The following TMEM50A variants were observed in gnomAD, a reference collection of about 807,000 sequenced individuals.
TMEM50A encodes cervical cancer oncogene 9.
In TMEM50A, 8 loss-of-function variants were observed where a neutral mutation model predicts 23.9. That is an observed-to-expected ratio of 0.33 (90% CI 0.20 to 0.60). The LOEUF is 0.60. Among genes scored for constraint, TMEM50A ranks in the 20% least tolerant of loss-of-function variants. The probability of loss-of-function intolerance (pLI) is 0.81; values close to 1 mark genes in which losing one functional copy is unlikely to be tolerated. For synonymous variants in TMEM50A, 55 were observed against 60.4 expected, an observed-to-expected ratio of 0.91 and a Z score of 0.41; for missense variants, 178 against 192.7, an observed-to-expected ratio of 0.92 and a Z score of 0.45.
At chr1:25,346,048 A>G (rs1246991655) in intron 3 of TMEM50A, among the ~76,000 whole-genome samples, 1 of 152,042 alleles carries the variant, frequency 6.6e-6, no homozygotes, top group African/African-American at 2.4e-5. Context: ...TCGGCCTCCC[A>G]AAGTGCTGGG....
chr1:25,352,641 G>A (rs1306553584), intron 4 of TMEM50A, among the ~76,000 whole-genome samples: 1 of 152,104 alleles, frequency 6.6e-6, no homozygotes, highest in Non-Finnish European at 1.5e-5. Flanking sequence ...GTTGGGGAAA[G>A]TAAGTATATG....
chr1:25,344,736 GGTT>G (rs1332232242), intron 3 of TMEM50A, among the ~76,000 whole-genome samples: 2 of 150,450 alleles, frequency 1.3e-5, no homozygotes, highest in Admixed American at 1.3e-4. Context: ...TTTTTTTGGT[GGTT>G]GTTGGTAGAA....
chr1:25,349,337 T>C (rs1645253973), intron 3 of TMEM50A, among the ~76,000 whole-genome samples: 1 of 152,184 alleles, frequency 6.6e-6, no homozygotes, highest in Non-Finnish European at 1.5e-5. Context: ...AAAGTGTCCC[T>C]AATAGTGAAG....
At chr1:25,351,506 A>G (rs1645275053) in intron 3 of TMEM50A, 120 bp from the exon 4 acceptor site, 2 of 666,818 alleles carry the variant, frequency 3.0e-6, no homozygotes, top group Admixed American at 1.1e-4. Context: ...GAGACCCTGT[A>G]TCTTTAAAAA....
chr1:25,350,156 A>G (rs1199987274), intron 3 of TMEM50A, among the ~76,000 whole-genome samples: 2 of 152,232 alleles, frequency 1.3e-5, no homozygotes, highest in Non-Finnish European at 2.9e-5. Context: ...TGTTTGAAAT[A>G]TAATTATTTC....
At position 25,343,023 on chromosome 1, in the gene TMEM50A, C is replaced by T. The variant is rs775986133; in HGVS notation, c.156C>T (p.Phe52=). Residue 52 remains phenylalanine, a synonymous_variant, in exon 3 of 7, where the codon TTC becomes TTT. Transcript: ENST00000374358. The part of the protein sequence containing the change: ...AAVIYPTMKD[F]NHSYHACGVI... ...TTATTTATCCCACCATGAAAGATTT[C>T]AACCACTCATACCATGCCTGTGGTG... 5.6e-6 allele frequency: 9 copies of T among 1,613,680 alleles called. No homozygotes were observed. In the East Asian group the frequency reaches 2.0e-4, roughly 36 times the overall value.
chr1:25,341,488 C>T (rs1011134300), intron 2 of TMEM50A, among the ~76,000 whole-genome samples: 1 of 151,982 alleles, frequency 6.6e-6, no homozygotes, highest in Non-Finnish European at 1.5e-5. Context: ...CCTCGTGATC[C>T]GCCTGCCTCG....
At position 25,356,950 on chromosome 1, in the gene TMEM50A, A is replaced by T. The variant is rs556110475; in HGVS notation, c.428+97A>T. 1.1e-4 allele frequency: 86 copies of T among 769,264 alleles called. 1 individual carries two copies. In the African/African-American group the frequency reaches 1.3e-3, roughly 12 times the overall value. The allele number at this position is 769,264 out of a possible 1,614,324, so 47.7% of individuals were successfully genotyped here. On this transcript the variant is annotated intron_variant, in intron 6 of 6. Transcript: ENST00000374358. ...ATTTAGTTGCCTAATTACTCATCCA[A>T]TGCCCCTCCCCCATGATATTTTCAT...
In TMEM50A at chr1:25,342,875, AG is replaced by A; in HGVS notation, c.94-83del. The A allele has an allele frequency of 2.9e-6, 3 of 1,036,842 alleles. No individual in the cohort carries two copies. In the South Asian group the frequency reaches 4.8e-5, roughly 17 times the overall value. 64.2% of individuals were successfully genotyped at this position (1,036,842 alleles called of 1,614,324 possible). On this transcript the variant is annotated intron_variant, in intron 2 of 6. Transcript: ENST00000374358. ...TAGAACATTTTTGAAATGTATTAAAAGGGATCTCCTCACTTAAATACCTTGC... is the reference window on the plus strand; with the variant it reads ...TAGAACATTTTTGAAATGTATTAAAAGGATCTCCTCACTTAAATACCTTGC...
At position 25,362,295 on chromosome 1, in the gene TMEM50A, A is replaced by G; in HGVS notation, c.*1590A>G. 1.1e-6 allele frequency: 1 copy of G among 930,974 alleles called. No homozygotes were observed. The highest frequency in any genetic ancestry group is 1.6e-6 in the Non-Finnish European group (1 of 625,752). The allele number at this position is 930,974 out of a possible 1,614,324, so 57.7% of individuals were successfully genotyped here. A position where few individuals can be genotyped will look rare whatever the true frequency, so the allele number is the denominator to read the frequency against. ...ATAATGTGTCTGTAACCAAGAAAAT[A>G]TTGATAGCATCATCCTAATGAAACT... On this transcript the variant is annotated 3_prime_UTR_variant, in exon 7 of 7. Coordinates refer to ENST00000374358, the MANE Select transcript of TMEM50A (RefSeq NM_014313.4).
At chr1:25,344,597 C>A (rs750210112) in intron 3 of TMEM50A, among the ~76,000 whole-genome samples, 3 of 151,500 alleles carry the variant, frequency 2.0e-5, no homozygotes, top group Admixed American at 1.3e-4. Flanking sequence ...CCAGGCTGGT[C>A]TTGAACTCCT....
chr1:25,355,654 C>T (rs926732723), intron 5 of TMEM50A, among the ~76,000 whole-genome samples: 1 of 152,178 alleles, frequency 6.6e-6, no homozygotes, highest in African/African-American at 2.4e-5. Context: ...CCTATGCAAA[C>T]CATCTGTTAT....
chr1:25,342,967 A>T lies in TMEM50A; in HGVS notation c.100A>T (p.Thr34Ser). The T allele has an allele frequency of 6.2e-7, 1 of 1,610,620 alleles. No homozygotes were observed. Among genetic ancestry groups the T allele is most frequent in the Non-Finnish European group, 8.5e-7 (1 of 1,178,918 alleles). Residue 34 changes from threonine to serine, a missense_variant, in exon 3 of 7, where the codon ACA becomes TCA. By Grantham distance (58) the Thr-to-Ser change is moderately conservative (BLOSUM62 1). Coordinates refer to ENST00000374358, the MANE Select transcript of TMEM50A (RefSeq NM_014313.4). ...ASIAAGVLFF[T>S]GWWIIIDAAV... ...GGTATCACCTTTGTTTTAGTTTTTT[A>T]CAGGCTGGTGGATTATCATAGATGC...
At chr1:25,344,412 G>A (rs1009570740) in intron 3 of TMEM50A, among the ~76,000 whole-genome samples, 3 of 152,126 alleles carry the variant, frequency 2.0e-5, no homozygotes, top group African/African-American at 7.2e-5. Context: ...ATGACTCTGT[G>A]CTTCTCAAAT....
chr1:25,353,675 C>T (rs1387291667), intron 5 of TMEM50A, among the ~76,000 whole-genome samples: 1 of 152,104 alleles, frequency 6.6e-6, no homozygotes, highest in Non-Finnish European at 1.5e-5. Flanking sequence ...TATATAAGGC[C>T]ACTTTAAGGC....
intron 5 of TMEM50A, among the ~76,000 whole-genome samples, chr1:25,355,328 GA>G (rs1309570915): frequency 6.6e-6 from 1 of 151,860 alleles, no homozygotes; most frequent in Non-Finnish European, 1.5e-5. Context: ...AAAAAAAAAG[GA>G]AAAAAATTAC....
At chr1:25,354,607 G>A (rs952452200) in intron 5 of TMEM50A, among the ~76,000 whole-genome samples, 2 of 151,706 alleles carry the variant, frequency 1.3e-5, no homozygotes, top group East Asian at 1.9e-4. Context: ...GTGAGACGCT[G>A]TCTCAAAAAA....
Position 25,362,247 on chromosome 1 carries a change from A to T in TMEM50A, c.*1542A>T. 1.6e-6 allele frequency: 1 copy of T among 638,950 alleles called. No individual in the cohort carries two copies. The highest frequency in any genetic ancestry group is 2.9e-5 in the East Asian group (1 of 34,538). 39.6% of individuals were successfully genotyped at this position (638,950 alleles called of 1,614,324 possible). Reference sequence around the variant, plus strand: ...ATGAGAAAGAATCTTAAGAATTGTCAATAAAATTAACCCAAAACTTTAATA... The same window carrying T: ...ATGAGAAAGAATCTTAAGAATTGTCTATAAAATTAACCCAAAACTTTAATA... On this transcript the variant is annotated 3_prime_UTR_variant, in exon 7 of 7. Transcript: ENST00000374358.
At position 25,360,734 on chromosome 1, in the gene TMEM50A, C is replaced by T. The variant is rs747174833; in HGVS notation, c.*29C>T. On this transcript the variant is annotated 3_prime_UTR_variant, in exon 7 of 7. Transcript: ENST00000374358. Reference sequence around the variant, plus strand: ...CATCTGATTTCCCACAGCACAACAGCCCTGCATGGGTTTGTTTGTTTTTTT... The same window carrying T: ...CATCTGATTTCCCACAGCACAACAGTCCTGCATGGGTTTGTTTGTTTTTTT... 20 of 1,612,970 alleles carry T rather than the reference C, an allele frequency of 1.2e-5. No individual in the cohort carries two copies. Among genetic ancestry groups the T allele is most frequent in the Non-Finnish European group, 1.4e-5 (16 of 1,179,324 alleles).
Sources: allele counts gnomAD v4.1 joint callset (sites outside exome capture counted in the v4.1 genomes callset), GRCh38; gene constraint gnomAD v4.1.1; transcripts MANE v1.5; gene names NCBI Gene and HGNC (gene_info 2026-07-23, HGNC 2026-07-21).